PPARGC1A: variants seen among roughly 807,000 people sequenced by gnomAD.
The protein encoded by PPARGC1A is PPARG coactivator 1 alpha.
In PPARGC1A, 25 loss-of-function variants were observed where a neutral mutation model predicts 88.7. The observed-to-expected ratio is 0.28, with a 90% CI of 0.21 to 0.39. The LOEUF is 0.39. Among genes scored for constraint, PPARGC1A ranks in the 10% least tolerant of loss-of-function variants. The probability of loss-of-function intolerance (pLI) is 1.00; values close to 1 mark genes in which losing one functional copy is unlikely to be tolerated. For missense variants in PPARGC1A, 880 were observed against 968.7 expected, an observed-to-expected ratio of 0.91 and a Z score of 1.22; for synonymous variants, 363 against 355.6, an observed-to-expected ratio of 1.02 and a Z score of -0.24.
At chr4:23,845,146 G>C (rs150513945) in intron 2 of PPARGC1A, among the ~76,000 whole-genome samples, 3 of 151,890 alleles carry the variant, frequency 2.0e-5, no homozygotes, top group Non-Finnish European at 4.4e-5. Flanking sequence ...ACTTTAGCAC[G>C]GAGGCCTGCT....
the PPARGC1A span, among the ~76,000 whole-genome samples, chr4:24,038,299 T>C: frequency 6.6e-6 from 1 of 152,140 alleles, no homozygotes; most frequent in South Asian, 2.1e-4. Context: ...CCACGTGAGA[T>C]TACTATAACT....
intron 11 of PPARGC1A, 110 bp downstream of exon 11, chr4:23,802,114 T>C: frequency 6.9e-7 from 1 of 1,457,148 alleles, no homozygotes; most frequent in East Asian, 2.3e-5. Flanking sequence ...GAACTCAACA[T>C]GTCATCTGTC....
chr4:24,102,613 G>A, the PPARGC1A span, among the ~76,000 whole-genome samples: 3 of 152,206 alleles, frequency 2.0e-5, no homozygotes, highest in African/African-American at 4.8e-5. Context: ...GAAGGCTTAC[G>A]GAGTGGGTGG....
chr4:24,363,937 G>T, the PPARGC1A span, among the ~76,000 whole-genome samples: 2 of 152,036 alleles, frequency 1.3e-5, no homozygotes, highest in Non-Finnish European at 2.9e-5. Flanking sequence ...TTGTCATTCC[G>T]CTGCCAAGAG....
the PPARGC1A span, among the ~76,000 whole-genome samples, chr4:24,191,919 A>G: frequency 2.6e-5 from 4 of 152,212 alleles, no homozygotes; most frequent in Non-Finnish European, 4.4e-5. Flanking sequence ...CTCAACCCTT[A>G]GAGAGTACAC....
chr4:24,076,788 AC>A, the PPARGC1A span, among the ~76,000 whole-genome samples: 1 of 152,054 alleles, frequency 6.6e-6, no homozygotes, highest in Non-Finnish European at 1.5e-5. Context: ...AGTCTTACAT[AC>A]CCCCATTCAC....
intron 7 of PPARGC1A, among the ~76,000 whole-genome samples, chr4:23,821,005 C>A (rs1456843178): frequency 6.6e-6 from 1 of 152,152 alleles, no homozygotes; most frequent in East Asian, 1.9e-4. Context: ...TTGCCACCCA[C>A]CTGCTGCACC....
At chr4:24,352,840 TG>T in the PPARGC1A span, among the ~76,000 whole-genome samples, 1 of 152,246 alleles carries the variant, frequency 6.6e-6, no homozygotes, top group Non-Finnish European at 1.5e-5. Flanking sequence ...GCATTTTATA[TG>T]CTTCTTCCCT....
At chr4:23,904,840 A>C (rs548772563), upstream of PPARGC1A, among the ~76,000 whole-genome samples, 7 of 152,302 alleles carry the variant, frequency 4.6e-5, no homozygotes, top group East Asian at 1.4e-3. Context: ...CGTGTGTATA[A>C]AATTACTTAA....
intron 2 of PPARGC1A, among the ~76,000 whole-genome samples, chr4:23,841,882 C>A (rs1282900377): frequency 6.6e-6 from 1 of 151,926 alleles, no homozygotes; most frequent in Non-Finnish European, 1.5e-5. Context: ...TTTCTATATT[C>A]CTGATGTTGA....
chr4:24,229,659 C>A, the PPARGC1A span, among the ~76,000 whole-genome samples: 5 of 150,906 alleles, frequency 3.3e-5, no homozygotes, highest in African/African-American at 1.2e-4. Context: ...ATGGTGAAAC[C>A]CTGTCTCTAC....
the PPARGC1A span, among the ~76,000 whole-genome samples, chr4:24,414,077 C>T: frequency 6.6e-6 from 1 of 152,304 alleles, no homozygotes; most frequent in Middle Eastern, 3.4e-3. Flanking sequence ...TCCCAGTAAG[C>T]ATTTGTTAAT....
the PPARGC1A span, among the ~76,000 whole-genome samples, chr4:24,382,332 G>A: frequency 6.6e-6 from 1 of 152,054 alleles, no homozygotes; most frequent in African/African-American, 2.4e-5. Context: ...TCAAACTTGG[G>A]GGAAAATAAA....
At chr4:24,443,716 C>T in the PPARGC1A span, among the ~76,000 whole-genome samples, 4 of 143,852 alleles carry the variant, frequency 2.8e-5, no homozygotes, top group African/African-American at 7.6e-5. Context: ...CCACCATGCC[C>T]GGCTAATTTT....
chr4:24,309,057 G>A, the PPARGC1A span, among the ~76,000 whole-genome samples: 1 of 152,038 alleles, frequency 6.6e-6, no homozygotes, highest in African/African-American at 2.4e-5. Context: ...CATTCATTCA[G>A]TAGGTATTAT....
chr4:24,420,345 T>TA, the PPARGC1A span, among the ~76,000 whole-genome samples: 1 of 152,186 alleles, frequency 6.6e-6, no homozygotes, highest in Non-Finnish European at 1.5e-5. Context: ...TAATGTACAT[T>TA]AACATTTTTA....
At chr4:24,436,779 CG>C in the PPARGC1A span, among the ~76,000 whole-genome samples, 453 of 140,852 alleles carry the variant, frequency 3.2e-3, 2 homozygotes, top group African/African-American at 0.012. Flanking sequence ...CCCCAGAGCC[CG>C]GGTCACAGAG....
At chr4:24,267,680 C>T in the PPARGC1A span, among the ~76,000 whole-genome samples, 1 of 152,158 alleles carries the variant, frequency 6.6e-6, no homozygotes, top group Non-Finnish European at 1.5e-5. Flanking sequence ...GACAATCAAA[C>T]TCATACTTTA....
chr4:24,422,488 A>G, the PPARGC1A span, among the ~76,000 whole-genome samples: 327 of 152,286 alleles, frequency 2.1e-3, no homozygotes, highest in Non-Finnish European at 3.7e-3. Context: ...TAAGCTTTCC[A>G]TCTTTCATTC....
Sources: allele counts gnomAD v4.1 joint callset (sites outside exome capture counted in the v4.1 genomes callset), GRCh38; gene constraint gnomAD v4.1.1; transcripts MANE v1.5; gene names NCBI Gene and HGNC (gene_info 2026-07-23, HGNC 2026-07-21).